Variants in CNST observed in about 807,000 individuals in gnomAD.
CNST encodes consortin, connexin sorting protein, also known as consortin.
CNST carries 39 observed loss-of-function variants against 72.4 expected under a neutral mutation model. That is an observed-to-expected ratio of 0.54 (90% CI 0.42 to 0.70). The LOEUF is 0.70. Among genes scored for constraint, CNST ranks in the 30% least tolerant of loss-of-function variants. The pLI, the probability that CNST is intolerant of heterozygous loss-of-function variation, is 0.00. For missense variants in CNST, 871 were observed against 868.5 expected, an observed-to-expected ratio of 1.00 and a Z score of -0.04; for synonymous variants, 332 against 320.1, an observed-to-expected ratio of 1.04 and a Z score of -0.40.
chr1:246,649,929 T>C (rs144427713), intron 9 of CNST, among the ~76,000 whole-genome samples: 1 of 151,552 alleles, frequency 6.6e-6, no homozygotes, highest in East Asian at 1.9e-4. Flanking sequence ...TGCACAAGGG[T>C]CTTGTCGTGG....
chr1:246,655,361 C>T (rs1406951316), intron 9 of CNST, among the ~76,000 whole-genome samples: 2 of 152,086 alleles, frequency 1.3e-5, no homozygotes, highest in South Asian at 2.1e-4. Context: ...CTGAGGTGAC[C>T]GCCGTGTTCT....
intron 2 of CNST, among the ~76,000 whole-genome samples, chr1:246,598,893 T>G (rs898469081): frequency 6.6e-6 from 1 of 152,152 alleles, no homozygotes. Flanking sequence ...CCCTTAGGAG[T>G]ACATACCACA....
At chr1:246,659,916 A>G (rs1238956454) in intron 9 of CNST, among the ~76,000 whole-genome samples, 3 of 152,218 alleles carry the variant, frequency 2.0e-5, no homozygotes, top group South Asian at 2.1e-4. Context: ...CTACAAAGCA[A>G]GGTGTTCTGA....
intron 3 of CNST, among the ~76,000 whole-genome samples, chr1:246,626,704 G>T (rs1189054840): frequency 6.6e-6 from 1 of 151,838 alleles, no homozygotes; most frequent in South Asian, 2.1e-4. Flanking sequence ...TGGTCCGCCC[G>T]CCTCAGCCTC....
At chr1:246,643,032 G>T (rs1421518719) in intron 8 of CNST, among the ~76,000 whole-genome samples, 1 of 150,040 alleles carries the variant, frequency 6.7e-6, no homozygotes, top group Non-Finnish European at 1.5e-5. Flanking sequence ...GAGATTATAG[G>T]CACACACCAC....
chr1:246,629,989 C>G (rs1215998390), intron 3 of CNST, among the ~76,000 whole-genome samples: 3 of 152,260 alleles, frequency 2.0e-5, no homozygotes, highest in African/African-American at 7.2e-5. Flanking sequence ...GCTTCGGTCT[C>G]TCAAAGTGCT....
intron 1 of CNST, among the ~76,000 whole-genome samples, chr1:246,586,352 TA>T (rs1661198302): frequency 6.8e-6 from 1 of 146,984 alleles, no homozygotes; most frequent in Admixed American, 6.8e-5. Context: ...ATGAGATAAA[TA>T]AGATACATAG....
chr1:246,638,351 C>T (rs768629759), intron 6 of CNST, among the ~76,000 whole-genome samples: 5 of 152,132 alleles, frequency 3.3e-5, no homozygotes, highest in Non-Finnish European at 7.3e-5. Context: ...AGTGCGTTTC[C>T]AGCCCGTATA....
At chr1:246,644,125 G>T (rs891516839) in intron 8 of CNST, among the ~76,000 whole-genome samples, 2 of 152,126 alleles carry the variant, frequency 1.3e-5, no homozygotes, top group African/African-American at 4.8e-5. Context: ...ATTTTGCCGG[G>T]CGCGATGGCT....
chr1:246,632,760 A>G (rs777446671), intron 4 of CNST, among the ~76,000 whole-genome samples: 1 of 152,236 alleles, frequency 6.6e-6, no homozygotes, highest in Non-Finnish European at 1.5e-5. Context: ...GAATCACGTG[A>G]TAATAATGGA....
At chr1:246,640,470 A>G (rs561846907) in intron 6 of CNST, among the ~76,000 whole-genome samples, 6 of 152,296 alleles carry the variant, frequency 3.9e-5, no homozygotes, top group South Asian at 2.1e-4. Context: ...AATAATAATA[A>G]TAAGGCACTT....
chr1:246,588,361 TAAG>T (rs1024578461), intron 1 of CNST, among the ~76,000 whole-genome samples: 8 of 152,064 alleles, frequency 5.3e-5, no homozygotes, highest in South Asian at 2.1e-4. Context: ...ATATGGGAAA[TAAG>T]GAGGTAAAAA....
intron 2 of CNST, chr1:246,608,195 A>G (rs1415169173): frequency 6.6e-6 from 1 of 152,250 alleles, no homozygotes; most frequent in Admixed American, 6.5e-5. Flanking sequence ...AATAATTTAA[A>G]TTAGCTGGGC....
At chr1:246,597,605 T>C (rs1401278031) in intron 2 of CNST, among the ~76,000 whole-genome samples, 1 of 152,224 alleles carries the variant, frequency 6.6e-6, no homozygotes, top group Non-Finnish European at 1.5e-5. Context: ...CCTTTCTCAA[T>C]TGACCTGCCA....
chr1:246,647,286 A>G lies in CNST; in HGVS notation c.1085A>G (p.Glu362Gly). Residue 362 changes from glutamate (E) to glycine (G), a missense_variant, in exon 9 of 11, where the codon GAG (glutamate) becomes GGG (glycine). Transcript: ENST00000366513. ...SVTAGKDHME[E>G]LLCSAEATLA... Reference sequence around the variant, plus strand: ...ACTGCAGGAAAGGACCACATGGAGGAGCTGCTCTGCAGCGCTGAAGCCACG... The same window carrying G: ...ACTGCAGGAAAGGACCACATGGAGGGGCTGCTCTGCAGCGCTGAAGCCACG... The G allele has an allele frequency of 6.2e-7, 1 of 1,614,126 alleles. No individual in the cohort carries two copies. The highest frequency in any genetic ancestry group is 1.3e-5 in the African/African-American group (1 of 75,058).
At chr1:246,578,642 G>A (rs1660598153) in intron 1 of CNST, among the ~76,000 whole-genome samples, 1 of 151,892 alleles carries the variant, frequency 6.6e-6, no homozygotes, top group African/African-American at 2.4e-5. Context: ...CTGCACTCCA[G>A]CCTAGGCAAC....
chr1:246,636,184 A>C (rs1040538345), intron 6 of CNST, among the ~76,000 whole-genome samples: 2 of 152,074 alleles, frequency 1.3e-5, no homozygotes, highest in African/African-American at 4.8e-5. Context: ...TCCAGGGGGT[A>C]ACCTTGGCCA....
chr1:246,631,533 A>G (rs755802204), intron 3 of CNST, among the ~76,000 whole-genome samples: 1 of 152,218 alleles, frequency 6.6e-6, no homozygotes, highest in Admixed American at 6.5e-5. Context: ...CTTTTAATTT[A>G]CAATAAACAA....
At chr1:246,614,289 A>C (rs977689451) in intron 2 of CNST, among the ~76,000 whole-genome samples, 1 of 152,200 alleles carries the variant, frequency 6.6e-6, no homozygotes, top group African/African-American at 2.4e-5. Flanking sequence ...ATGAAATAAA[A>C]CTTTGACTGT....
Sources: gnomAD v4.1 joint callset for allele counts (sites outside exome capture counted in the v4.1 genomes callset) on GRCh38, gnomAD v4.1.1 for gene constraint, MANE v1.5 for transcripts, NCBI Gene and HGNC (gene_info 2026-07-23, HGNC 2026-07-21) for gene names.